Variants in WDR7 observed in about 807,000 individuals in gnomAD.
The protein encoded by WDR7 is WD repeat-containing protein 7.
WDR7 carries 46 observed loss-of-function variants against 169.4 expected under a neutral mutation model. The ratio of observed to expected loss-of-function variants is 0.27; its 90% CI spans 0.21 to 0.35. The LOEUF (loss-of-function observed/expected upper bound fraction) is 0.35, where lower values mean the gene tolerates loss of function less well. WDR7 is among the 10% of genes least tolerant of loss of function. The pLI, the probability that WDR7 is intolerant of heterozygous loss-of-function variation, is 1.00. For missense variants in WDR7, 1,534 were observed against 1,859.3 expected (o/e 0.83, Z 3.22); for synonymous variants, 612 against 666.8 (o/e 0.92, Z 1.27).
At chr18:56,897,351 A>G (rs1397925025) in intron 21 of WDR7, among the ~76,000 whole-genome samples, 1 of 151,940 alleles carries the variant, frequency 6.6e-6, no homozygotes, top group East Asian at 1.9e-4. Flanking sequence ...TGAAATAACA[A>G]AAATTGGAAT....
intron 22 of WDR7, among the ~76,000 whole-genome samples, chr18:56,926,572 G>T (rs867317293): frequency 6.6e-6 from 1 of 152,188 alleles, no homozygotes; most frequent in Non-Finnish European, 1.5e-5. Flanking sequence ...CAAGCATAAA[G>T]ATGTGCTTAG....
At chr18:56,882,393 C>T (rs1469735549) in intron 21 of WDR7, among the ~76,000 whole-genome samples, 4 of 152,192 alleles carry the variant, frequency 2.6e-5, no homozygotes, top group Non-Finnish European at 5.9e-5. Flanking sequence ...ATCCTTTGCA[C>T]ATTTTATGTT....
intron 6 of WDR7, among the ~76,000 whole-genome samples, chr18:56,686,364 CA>C (rs2025444247): frequency 6.6e-6 from 1 of 151,998 alleles, no homozygotes; most frequent in Admixed American, 6.6e-5. Flanking sequence ...TAAAGCAAAT[CA>C]CCACAAAAAA....
At chr18:56,814,875 T>TATC (rs2044937673) in intron 19 of WDR7, among the ~76,000 whole-genome samples, 1 of 151,918 alleles carries the variant, frequency 6.6e-6, no homozygotes, top group Non-Finnish European at 1.5e-5. Context: ...TCTTTAGCAT[T>TATC]ATTATTATTA....
At chr18:56,969,903 T>C (rs1307515821) in intron 26 of WDR7, among the ~76,000 whole-genome samples, 1 of 152,200 alleles carries the variant, frequency 6.6e-6, no homozygotes, top group Non-Finnish European at 1.5e-5. Flanking sequence ...GGCAGTGTGG[T>C]TGCGTAGTTA....
chr18:56,979,677 T>C (rs1207974489), intron 26 of WDR7, among the ~76,000 whole-genome samples: 3 of 152,194 alleles, frequency 2.0e-5, no homozygotes, highest in African/African-American at 7.2e-5. Context: ...TCAAATAATT[T>C]CTAAATTTAA....
chr18:57,005,731 A>G (rs1042601397), intron 26 of WDR7, among the ~76,000 whole-genome samples: 1 of 152,110 alleles, frequency 6.6e-6, no homozygotes, highest in Non-Finnish European at 1.5e-5. Context: ...TAATCTTTTG[A>G]CTTTCCTGGG....
intron 19 of WDR7, 25 bp from the exon 20 acceptor site, chr18:56,816,006 G>A (rs761003939): frequency 1.3e-6 from 2 of 1,541,564 alleles, no homozygotes; most frequent in East Asian, 2.3e-5. Context: ...TTGAAGTGAA[G>A]CCTTGTGATT....
chr18:56,769,232 T>TC (rs1372564109), intron 16 of WDR7, among the ~76,000 whole-genome samples: 12 of 151,846 alleles, frequency 7.9e-5, no homozygotes, highest in African/African-American at 2.4e-5. Flanking sequence ...TTTTTTTTTT[T>TC]CCTTTGAGAC....
intron 25 of WDR7, among the ~76,000 whole-genome samples, chr18:56,954,550 G>T (rs2047225429): frequency 6.6e-6 from 1 of 152,092 alleles, no homozygotes; most frequent in Non-Finnish European, 1.5e-5. Flanking sequence ...GTATATATAT[G>T]AAGAGAAAAA....
In WDR7 at chr18:56,938,663, T is replaced by C. The variant is rs2046992412; in HGVS notation, c.3962T>C (p.Val1321Ala). 2 of 1,613,514 alleles carry C rather than the reference T, an allele frequency of 1.2e-6. No individual in the cohort carries two copies. The highest frequency in any genetic ancestry group is 1.7e-6 in the Non-Finnish European group (2 of 1,179,802). Reference protein sequence around the residue: ...EILIEKMPTDVVDLLVEVMDI... With the variant: ...EILIEKMPTDAVDLLVEVMDI... ...CTTATTGAAAAGATGCCCACAGATG[T>C]TGTGGATCTTCTCGTGGAGGTAAGA... Residue 1321 changes from valine (V) to alanine (A), a missense_variant, in exon 24 of 28, where the codon GTT becomes GCT. Transcript: ENST00000254442.
intron 16 of WDR7, among the ~76,000 whole-genome samples, chr18:56,772,739 T>A (rs2044183991): frequency 6.6e-6 from 1 of 150,986 alleles, no homozygotes; most frequent in African/African-American, 2.4e-5. Flanking sequence ...AATATATAGA[T>A]AGTATATATA....
chr18:56,948,908 C>T (rs146679819), intron 25 of WDR7, among the ~76,000 whole-genome samples: 17 of 152,294 alleles, frequency 1.1e-4, no homozygotes, highest in African/African-American at 3.6e-4. Context: ...GCCTCTTCCT[C>T]TCCATCCTTC....
intron 19 of WDR7, among the ~76,000 whole-genome samples, chr18:56,784,177 G>C (rs978022913): frequency 6.6e-6 from 1 of 152,160 alleles, no homozygotes; most frequent in Admixed American, 6.5e-5. Flanking sequence ...AGAGATTAAA[G>C]AATTTTCTGA....
At chr18:57,021,119 G>A (rs1361175254) in intron 27 of WDR7, among the ~76,000 whole-genome samples, 2 of 152,226 alleles carry the variant, frequency 1.3e-5, no homozygotes, top group African/African-American at 2.4e-5. Context: ...AGCAATTATG[G>A]TCCCAGGGGA....
chr18:57,011,119 A>T (rs1370707188), intron 26 of WDR7, among the ~76,000 whole-genome samples: 1 of 152,248 alleles, frequency 6.6e-6, no homozygotes, highest in Non-Finnish European at 1.5e-5. Flanking sequence ...AATAGTTTTG[A>T]GCATGTATTT....
chr18:56,879,641 A>G (rs2046076745), intron 20 of WDR7, among the ~76,000 whole-genome samples: 1 of 152,164 alleles, frequency 6.6e-6, no homozygotes, highest in Non-Finnish European at 1.5e-5. Context: ...TTGGTATCAT[A>G]TCTAAGAAAT....
chr18:56,704,973 A>C (rs1278276729), intron 12 of WDR7, among the ~76,000 whole-genome samples: 1 of 152,158 alleles, frequency 6.6e-6, no homozygotes, highest in East Asian at 1.9e-4. Context: ...ACAATTTCAA[A>C]ATGAGTTTAC....
intron 19 of WDR7, among the ~76,000 whole-genome samples, chr18:56,814,322 T>A (rs1464454274): frequency 6.6e-6 from 1 of 152,210 alleles, no homozygotes; most frequent in Non-Finnish European, 1.5e-5. Flanking sequence ...CTGATCATTT[T>A]AAAAATTATC....
Sources: allele counts gnomAD v4.1 joint callset (sites outside exome capture counted in the v4.1 genomes callset), GRCh38; gene constraint gnomAD v4.1.1; transcripts MANE v1.5; gene names NCBI Gene and HGNC (gene_info 2026-07-23, HGNC 2026-07-21).